Variants in GHR observed in about 807,000 individuals in gnomAD.
GHR encodes the protein growth hormone receptor.
GHR carries 35 observed loss-of-function variants against 67.1 expected under a neutral mutation model. The ratio of observed to expected loss-of-function variants is 0.52; its 90% CI spans 0.40 to 0.69. The LOEUF is 0.69. GHR is among the 30% of genes least tolerant of loss of function. GHR has a pLI of 0.00. For missense variants in GHR, 792 were observed against 764.6 expected (o/e 1.04, Z -0.42); for synonymous variants, 272 against 269.1 (o/e 1.01, Z -0.10).
chr5:42,562,051 A>T (rs1749636139), intron 1 of GHR, among the ~76,000 whole-genome samples: 2 of 152,158 alleles, frequency 1.3e-5, no homozygotes, highest in South Asian at 4.2e-4. Flanking sequence ...CACATCTAGT[A>T]TATCATTACA....
At chr5:42,697,454 T>C (rs1757728789) in intron 5 of GHR, among the ~76,000 whole-genome samples, 1 of 152,100 alleles carries the variant, frequency 6.6e-6, no homozygotes, top group African/African-American at 2.4e-5. Flanking sequence ...GTGTTGAGTT[T>C]TCAGGATTGG....
At position 42,438,179 on chromosome 5, in the gene GHR, T is replaced by G. The variant is rs115193974; in HGVS notation, c.-12+14224T>G. 4.5e-3 allele frequency among the ~76,000 whole-genome samples: 689 copies of G among 152,338 alleles called. 6 individuals carry two copies. Among genetic ancestry groups the G allele is most frequent in the African/African-American group, 0.016 (667 of 41,586 alleles). ...AAGGGCTATACCAAGTCCTTTTTTA[T>G]ATTATTTAATCCCACACAAAACCCA... On this transcript the variant is annotated intron_variant, in intron 1 of 9. Transcript: ENST00000230882.
chr5:42,444,026 GATAATGGATATAT>G (rs1390487349), intron 1 of GHR, among the ~76,000 whole-genome samples: 6 of 151,866 alleles, frequency 4.0e-5, no homozygotes, highest in Admixed American at 2.0e-4. Context: ...TATAGATATA[GATAATGGATATAT>G]ATAATGGATA....
At chr5:42,625,901 G>A (rs895312370) in intron 2 of GHR, among the ~76,000 whole-genome samples, 11 of 151,986 alleles carry the variant, frequency 7.2e-5, no homozygotes, top group Non-Finnish European at 1.6e-4. Context: ...CAATTTCAAG[G>A]CATGGCAAGG....
At chr5:42,531,000 G>C (rs1275727061) in intron 1 of GHR, among the ~76,000 whole-genome samples, 2 of 152,198 alleles carry the variant, frequency 1.3e-5, no homozygotes, top group Admixed American at 1.3e-4. Flanking sequence ...TGGGCGCAGT[G>C]GCTCACGCCT....
chr5:42,481,856 A>T (rs1215297466), intron 1 of GHR, among the ~76,000 whole-genome samples: 1 of 152,058 alleles, frequency 6.6e-6, no homozygotes, highest in East Asian at 1.9e-4. Context: ...GATTAGTTTG[A>T]TCGTCTGAAG....
chr5:42,694,811 T>C, intron 4 of GHR, 106 bp from the exon 5 acceptor site: 1 of 862,394 alleles, frequency 1.2e-6, no homozygotes, highest in Non-Finnish European at 2.0e-6. Flanking sequence ...CTTCACAAAA[T>C]ATTTGTCTTC....
chr5:42,579,128 TAGATAGATAGATGATA>T (rs1400015538), intron 2 of GHR, among the ~76,000 whole-genome samples: 1,807 of 83,492 alleles, frequency 0.022, 18 homozygotes, highest in Non-Finnish European at 0.027. Flanking sequence ...GATAGATAGA[TAGATAGATAGATGATA>T]GATAGATATA....
chr5:42,631,779 T>C (rs1753941407), intron 3 of GHR, among the ~76,000 whole-genome samples: 1 of 152,054 alleles, frequency 6.6e-6, no homozygotes, highest in African/African-American at 2.4e-5. Flanking sequence ...CAAAGCCCCA[T>C]GGAAGAAAAA....
chr5:42,438,668 C>T (rs1040909629), intron 1 of GHR, among the ~76,000 whole-genome samples: 1 of 152,126 alleles, frequency 6.6e-6, no homozygotes, highest in African/African-American at 2.4e-5. Context: ...GCCCTCAGAC[C>T]AGTAGCCAGT....
chr5:42,657,576 T>C (rs1364834446), intron 3 of GHR, among the ~76,000 whole-genome samples: 1 of 152,176 alleles, frequency 6.6e-6, no homozygotes, highest in Non-Finnish European at 1.5e-5. Flanking sequence ...AGTAGATACT[T>C]GCCAATATGC....
intron 1 of GHR, among the ~76,000 whole-genome samples, chr5:42,497,742 A>G (rs1353863912): frequency 6.6e-6 from 1 of 152,234 alleles, no homozygotes; most frequent in African/African-American, 2.4e-5. Context: ...TCAGATACAT[A>G]CAATGCCAAA....
chr5:42,660,700 G>T (rs921917749), intron 3 of GHR, among the ~76,000 whole-genome samples: 2 of 152,216 alleles, frequency 1.3e-5, no homozygotes, highest in Non-Finnish European at 2.9e-5. Flanking sequence ...GAAAAGCAGA[G>T]CACCTCTCCT....
At chr5:42,632,754 A>G (rs1234996966) in intron 3 of GHR, among the ~76,000 whole-genome samples, 1 of 152,224 alleles carries the variant, frequency 6.6e-6, no homozygotes. Flanking sequence ...CAGGGTAAAT[A>G]TGGGCAAAAA....
At chr5:42,711,588 C>T (rs1052368915) in intron 7 of GHR, among the ~76,000 whole-genome samples, 6 of 151,996 alleles carry the variant, frequency 3.9e-5, no homozygotes, top group South Asian at 2.1e-4. Flanking sequence ...AGGAGAAGTC[C>T]GGGGGGCAGG....
intron 3 of GHR, among the ~76,000 whole-genome samples, chr5:42,637,574 G>A (rs75191432): frequency 0.016 from 2,435 of 152,100 alleles, 105 homozygotes; most frequent in East Asian, 0.14. Context: ...CTGTTCCTGC[G>A]TTAATTCACT....
chr5:42,424,488 C>A lies in GHR; in HGVS notation c.-12+533C>A. 1 of 1,019,120 alleles carries A rather than the reference C, an allele frequency of 9.8e-7. No homozygotes were observed. Among genetic ancestry groups the A allele is most frequent in the Non-Finnish European group, 1.5e-6 (1 of 677,582 alleles). The allele number at this position is 1,019,120 out of a possible 1,614,324, so 63.1% of individuals were successfully genotyped here. ...GGAGGTCGAGCTGTGCGCGTGGACA[C>A]AGCGCGCAGAGCGCGCGGTCTTTTG... On this transcript the variant is annotated intron_variant, in intron 1 of 9. Coordinates refer to ENST00000230882, the MANE Select transcript of GHR (RefSeq NM_000163.5). This position sits in a 1 kb window ranked among gnomAD's most constrained non-coding sequence, Gnocchi z 4.1.
intron 1 of GHR, among the ~76,000 whole-genome samples, chr5:42,542,478 G>A (rs940731697): frequency 1.2e-4 from 18 of 152,090 alleles, no homozygotes; most frequent in Admixed American, 1.1e-3. Context: ...GATTTAGAGG[G>A]GAGCAGAGAA....
intron 1 of GHR, among the ~76,000 whole-genome samples, chr5:42,483,830 C>T (rs1466551370): frequency 6.6e-6 from 1 of 152,204 alleles, no homozygotes; most frequent in Non-Finnish European, 1.5e-5. Context: ...CAAGCACTCT[C>T]ATTCTGTTAG....
Sources: gnomAD v4.1 joint callset for allele counts (sites outside exome capture counted in the v4.1 genomes callset) on GRCh38, gnomAD v4.1.1 for gene constraint, Gnocchi (gnomAD v3.1) non-coding constraint, MANE v1.5 for transcripts, NCBI Gene and HGNC (gene_info 2026-07-23, HGNC 2026-07-21) for gene names.